MATR3: variants seen among roughly 807,000 people sequenced by gnomAD.
The protein encoded by MATR3 is matrin-3.
Under a neutral mutation model 85.5 loss-of-function variants are expected in MATR3, and 4 were observed. The ratio of observed to expected loss-of-function variants is 0.05; its 90% CI spans 0.02 to 0.11. The LOEUF (loss-of-function observed/expected upper bound fraction) is 0.11. Among genes scored for constraint, MATR3 ranks in the 10% least tolerant of loss-of-function variants. The probability of loss-of-function intolerance (pLI) is 1.00; values close to 1 mark genes in which losing one functional copy is unlikely to be tolerated. For synonymous variants in MATR3, 336 were observed against 343.1 expected, an observed-to-expected ratio of 0.98 and a Z score of 0.23; for missense variants, 685 against 1,016.1, an observed-to-expected ratio of 0.67 and a Z score of 4.43.
At chr5:139,308,398 T>C (rs1334297079) in intron 2 of MATR3, 71 bp downstream of exon 2, 1 of 1,555,598 alleles carries the variant, frequency 6.4e-7, no homozygotes, top group African/African-American at 1.4e-5. Flanking sequence ...TCTTTGACTC[T>C]AATTCTGTAG....
chr5:139,307,772 T>C lies in MATR3; in HGVS notation c.357T>C (p.Ala119=). The change falls in exon 2 of 15, where the codon GCT becomes GCC. Residue 119 remains alanine, a synonymous_variant. Coordinates refer to ENST00000394805, the MANE Select transcript of MATR3 (RefSeq NM_018834.6). This position sits in a 1 kb window ranked among gnomAD's most constrained non-coding sequence, Gnocchi z 4.4. ...TTTTGGCCAGCTTTGGTCTGTCTGCTAGAGACTTAGATGAACTGAGTCGTT... is the reference window on the plus strand; with the variant it reads ...TTTTGGCCAGCTTTGGTCTGTCTGCCAGAGACTTAGATGAACTGAGTCGTT... ...SNILASFGLS[A]RDLDELSRYP... 1 of 1,614,166 alleles carries C rather than the reference T, an allele frequency of 6.2e-7. No individual in the cohort carries two copies. Among genetic ancestry groups the C allele is most frequent in the Non-Finnish European group, 8.5e-7 (1 of 1,180,024 alleles).
intron 2 of MATR3, among the ~76,000 whole-genome samples, chr5:139,308,924 T>C (rs964241209): frequency 6.6e-6 from 1 of 152,158 alleles, no homozygotes; most frequent in Non-Finnish European, 1.5e-5. Context: ...TTTTTTCTCC[T>C]TTTCCACAAC....
In MATR3 at chr5:139,330,121, C is replaced by T. The variant is rs760157474; in HGVS notation, c.*726C>T. On this transcript the variant is annotated 3_prime_UTR_variant, in exon 15 of 15. Coordinates refer to ENST00000394805, the MANE Select transcript of MATR3 (RefSeq NM_018834.6). Reference sequence around the variant, plus strand: ...ATCTTACTGCTTGTCACTTGAATCCCGTGATTGTCATACATCTCTGGTATA... The same window carrying T: ...ATCTTACTGCTTGTCACTTGAATCCTGTGATTGTCATACATCTCTGGTATA... 8 of 454,330 alleles carry T rather than the reference C, an allele frequency of 1.8e-5. No individual in the cohort carries two copies. Among genetic ancestry groups the T allele is most frequent in the Admixed American group, 4.7e-5 (2 of 42,532 alleles). The allele number at this position is 454,330 out of a possible 1,614,324, so 28.1% of individuals were successfully genotyped here.
chr5:139,314,490 G>A, intron 2 of MATR3, 185 bp from the exon 3 acceptor site: 1 of 583,610 alleles, frequency 1.7e-6, no homozygotes, highest in East Asian at 3.2e-5. Context: ...CGTATTTGAG[G>A]GCAGGATCAA....
At chr5:139,313,327 C>CTTTTTTTTTT (rs11366374) in intron 2 of MATR3, 5 of 137,204 alleles carry the variant, frequency 3.6e-5, no homozygotes, top group Non-Finnish European at 7.8e-5. Flanking sequence ...AATAATAGTT[C>CTTTTTTTTTT]TTTTTTTTTT....
chr5:139,281,365 T>G (rs530742904), intron 3 of MATR3, among the ~76,000 whole-genome samples: 3 of 147,304 alleles, frequency 2.0e-5, no homozygotes, highest in East Asian at 2.0e-4. Context: ...TGTTTTTTTT[T>G]TTTTTTTTGC....
At chr5:139,293,891 C>T in intron 1 of MATR3, 86 bp downstream of exon 1, 5 of 954,302 alleles carry the variant, frequency 5.2e-6, no homozygotes, top group Non-Finnish European at 6.8e-6. Flanking sequence ...GCGACAGGGG[C>T]TGCGGGGAGC....
At chr5:139,294,619 G>C (rs1289275347) in intron 1 of MATR3, 1 of 152,142 alleles carries the variant, frequency 6.6e-6, no homozygotes, top group Non-Finnish European at 1.5e-5. Flanking sequence ...AGTGCGAGGC[G>C]GGTGATTTGC....
At chr5:139,314,580 T>C in intron 2 of MATR3, 95 bp from the exon 3 acceptor site, 1 of 938,774 alleles carries the variant, frequency 1.1e-6, no homozygotes, top group Admixed American at 1.9e-5. Flanking sequence ...CAGCCTATGA[T>C]ACTGCATAGA....
At position 139,322,621 on chromosome 5, in the gene MATR3, G is replaced by T; in HGVS notation, c.1802G>T (p.Gly601Val). 1 of 1,614,144 alleles carries T rather than the reference G, an allele frequency of 6.2e-7. No homozygotes were observed. Among genetic ancestry groups the T allele is most frequent in the South Asian group, 1.1e-5 (1 of 91,076 alleles). ...AGAAAAAGATCTTACTCTCCAGATG[G>T]CAAAGAATCTCCAAGTGATAAGAAA... Reference protein sequence around the residue: ...KSRKRSYSPDGKESPSDKKSK... With the variant: ...KSRKRSYSPDVKESPSDKKSK... Residue 601 changes from glycine to valine, a missense_variant, in exon 12 of 15, where the codon GGC (glycine) becomes GTC (valine). Gly to Val is a moderately radical substitution (Grantham distance 109, BLOSUM62 -3). Around this residue, in one of 9 missense-constraint regions of MATR3, gnomAD observed 50 missense variants for 133.4 expected, o/e 0.37. Coordinates refer to ENST00000394805, the MANE Select transcript of MATR3 (RefSeq NM_018834.6).
chr5:139,296,482 ACT>A (rs1389650833), intron 1 of MATR3, among the ~76,000 whole-genome samples: 1 of 152,252 alleles, frequency 6.6e-6, no homozygotes, highest in East Asian at 1.9e-4. Flanking sequence ...AATAACATCA[ACT>A]TTTGTAATGA....
At chr5:139,305,675 A>G (rs1424591232) in intron 1 of MATR3, among the ~76,000 whole-genome samples, 1 of 152,178 alleles carries the variant, frequency 6.6e-6, no homozygotes, top group Non-Finnish European at 1.5e-5. Flanking sequence ...TTAATCTTAA[A>G]GCTTAAGTAG....
chr5:139,330,243 C>G lies in MATR3; in HGVS notation c.*848C>G. 4.4e-6 allele frequency: 2 copies of G among 454,012 alleles called. No individual in the cohort carries two copies. Among genetic ancestry groups the G allele is most frequent in the Admixed American group, 2.4e-5 (1 of 42,536 alleles). The allele number at this position is 454,012 out of a possible 1,614,324, so 28.1% of individuals were successfully genotyped here. ...TTTTTAAAACAGTTTGGCCATAATC[C>G]TAGATGCACGCTTCTAATTCATGTA... On this transcript the variant is annotated 3_prime_UTR_variant, in exon 15 of 15. Coordinates refer to ENST00000394805, the MANE Select transcript of MATR3 (RefSeq NM_018834.6).
At chr5:139,276,061 G>C in intron 1 of MATR3, 1 of 456,722 alleles carries the variant, frequency 2.2e-6, no homozygotes, top group South Asian at 1.5e-5. Flanking sequence ...TGAGGGGAGG[G>C]ACTCTGAGCT....
intron 3 of MATR3, among the ~76,000 whole-genome samples, chr5:139,287,615 C>G (rs1474119143): frequency 2.0e-5 from 3 of 151,284 alleles, no homozygotes; most frequent in African/African-American, 7.3e-5. Flanking sequence ...AAAACTCCGT[C>G]TCTAAAAAAA....
upstream of MATR3, chr5:139,293,672 G>C: frequency 3.6e-6 from 1 of 278,650 alleles, no homozygotes; most frequent in Non-Finnish European, 6.7e-6. Flanking sequence ...TCTCGCGAGA[G>C]TGGGTTTGTT....
chr5:139,293,871 G>A (rs1051122655), intron 1 of MATR3, 66 bp downstream of exon 1: 4 of 722,586 alleles, frequency 5.5e-6, no homozygotes, highest in Non-Finnish European at 5.8e-6. Context: ...GCCGGGAGGG[G>A]ACAACGACGG....
chr5:139,274,260 G>T, intron 1 of MATR3: 1 of 355,324 alleles, frequency 2.8e-6, no homozygotes, highest in South Asian at 2.1e-5. Context: ...ACGAAATTGG[G>T]GTTCGTCCCC....
chr5:139,308,003 C>T lies in MATR3; in HGVS notation c.588C>T (p.Leu196=). Residue 196 remains leucine (L), a synonymous_variant, in exon 2 of 15, where the codon CTC becomes CTT. Coordinates refer to ENST00000394805, the MANE Select transcript of MATR3 (RefSeq NM_018834.6). The stretch of plus-strand genomic sequence containing the variant: ...GTTTTGATGATCGTGGTCCTAGTCT[C>T]AACCCAGTGCTTGATTATGACCATG... ...RDSFDDRGPS[L]NPVLDYDHGS... The T allele has an allele frequency of 6.2e-7, 1 of 1,614,156 alleles. No individual in the cohort carries two copies. The highest frequency in any genetic ancestry group is 1.7e-5 in the Admixed American group (1 of 60,014).
Sources: allele counts gnomAD v4.1 joint callset (sites outside exome capture counted in the v4.1 genomes callset), GRCh38; gene constraint gnomAD v4.1.1; regional missense constraint gnomAD v4.1.1; non-coding constraint Gnocchi (gnomAD v3.1); transcripts MANE v1.5; gene names NCBI Gene and HGNC (gene_info 2026-07-23, HGNC 2026-07-21).